The following SDHC variants were observed in gnomAD, a reference collection of about 807,000 sequenced individuals.
SDHC encodes succinate dehydrogenase cytochrome b560 subunit, mitochondrial.
Under a neutral mutation model 22.6 loss-of-function variants are expected in SDHC, and 11 were observed. That is an observed-to-expected ratio of 0.49 (90% CI 0.31 to 0.81). The LOEUF (loss-of-function observed/expected upper bound fraction) is 0.81, where lower values mean the gene tolerates loss of function less well. Among genes scored for constraint, SDHC ranks in the 30% least tolerant of loss-of-function variants. The pLI, the probability that SDHC is intolerant of heterozygous loss-of-function variation, is 0.05. For synonymous variants in SDHC, 80 were observed against 77.8 expected (o/e 1.03, Z -0.15); for missense variants, 160 against 212.0 (o/e 0.75, Z 1.52).
intron 3 of SDHC, among the ~76,000 whole-genome samples, chr1:161,338,796 T>C (rs933984682): frequency 6.6e-6 from 1 of 152,196 alleles, no homozygotes; most frequent in African/African-American, 2.4e-5. Flanking sequence ...CTTCCATCAG[T>C]GTTATACCTG....
At chr1:161,330,598 C>G (rs1276489626) in intron 3 of SDHC, among the ~76,000 whole-genome samples, 2 of 152,184 alleles carry the variant, frequency 1.3e-5, no homozygotes, top group South Asian at 2.1e-4. Flanking sequence ...TTTTTAACAG[C>G]CTCTTTTTTG....
chr1:161,348,402 G>A (rs983045211), intron 4 of SDHC, among the ~76,000 whole-genome samples: 258 of 151,532 alleles, frequency 1.7e-3, no homozygotes, highest in African/African-American at 6.0e-3. Context: ...CAAGTGATCC[G>A]CCTGCCTCTG....
rs115227464 is a variant in SDHC at position 161,331,164 on chromosome 1, C to A, written c.179+2667C>A. ...GATCTACTAGTAACATGCTTAATTTCAAAACGCCTTTTATGTGACTAAATA... is the reference window on the plus strand; with the variant it reads ...GATCTACTAGTAACATGCTTAATTTAAAAACGCCTTTTATGTGACTAAATA... On this transcript the variant is annotated intron_variant, in intron 3 of 5. Transcript: ENST00000367975. Among the ~76,000 whole-genome samples, 912 of 152,182 alleles carry A rather than the reference C, an allele frequency of 6.0e-3. 14 individuals carry two copies. The highest frequency in any genetic ancestry group is 0.021 in the African/African-American group (858 of 41,518).
intron 1 of SDHC, among the ~76,000 whole-genome samples, chr1:161,321,992 G>T (rs977319200): frequency 6.6e-6 from 1 of 152,122 alleles, no homozygotes; most frequent in African/African-American, 2.4e-5. Flanking sequence ...TATAATGGTC[G>T]TGTGTTTTTC....
intron 3 of SDHC, among the ~76,000 whole-genome samples, chr1:161,331,765 T>G (rs1671284946): frequency 6.6e-6 from 1 of 151,676 alleles, no homozygotes; most frequent in Admixed American, 6.6e-5. Context: ...CTGGCTAATT[T>G]TTTGTATTTT....
intron 4 of SDHC, among the ~76,000 whole-genome samples, chr1:161,354,367 G>A (rs1226551774): frequency 1.3e-5 from 2 of 152,180 alleles, no homozygotes; most frequent in African/African-American, 4.8e-5. Context: ...TGAGCTAGTA[G>A]TGGTTCACAT....
chr1:161,362,274 C>T (rs2102384475), intron 5 of SDHC, 55 bp from the exon 6 acceptor site: 1 of 1,571,422 alleles, frequency 6.4e-7, no homozygotes, highest in East Asian at 2.3e-5. Flanking sequence ...GAGACAGGAA[C>T]TGTTAATGTC....
At chr1:161,333,616 A>G (rs1558170355) in intron 3 of SDHC, among the ~76,000 whole-genome samples, 1 of 152,024 alleles carries the variant, frequency 6.6e-6, no homozygotes, top group Non-Finnish European at 1.5e-5. Flanking sequence ...GTCGGTCAGG[A>G]TGGTCTTGAT....
At chr1:161,330,074 A>C (rs1429159507) in intron 3 of SDHC, among the ~76,000 whole-genome samples, 2 of 152,170 alleles carry the variant, frequency 1.3e-5, no homozygotes, top group Admixed American at 1.3e-4. Flanking sequence ...GGATTAATAC[A>C]TTGACACCTC....
intron 5 of SDHC, among the ~76,000 whole-genome samples, chr1:161,360,451 G>C (rs55898518): frequency 0.12 from 17,752 of 151,782 alleles, 1,409 homozygotes; most frequent in African/African-American, 0.22. Flanking sequence ...AGCTACTTGG[G>C]AGGCTGAGGC....
chr1:161,338,916 T>G (rs11265591), intron 3 of SDHC, among the ~76,000 whole-genome samples: 11,885 of 152,150 alleles, frequency 0.078, 530 homozygotes, highest in South Asian at 0.17. Context: ...TGGCGTGATC[T>G]CCATTTACGC....
chr1:161,325,053 A>G (rs1317832762), intron 2 of SDHC, among the ~76,000 whole-genome samples: 1 of 150,234 alleles, frequency 6.7e-6, no homozygotes, highest in Non-Finnish European at 1.5e-5. Context: ...ATTAAAAAAT[A>G]AAAAATTAGC....
chr1:161,363,137 A>T lies in SDHC; in HGVS notation c.*704A>T, dbSNP rs1438794142. 1.3e-5 allele frequency: 3 copies of T among 234,644 alleles called. No homozygotes were observed. Among genetic ancestry groups the T allele is most frequent in the East Asian group, 6.0e-5 (1 of 16,748 alleles). 14.5% of individuals were successfully genotyped at this position (234,644 alleles called of 1,614,324 possible). On this transcript the variant is annotated 3_prime_UTR_variant, in exon 6 of 6. Transcript: ENST00000367975. ...AAGCCTCTTAATTTTATGCTTTCTC[A>T]TCGAAGTAATGTACCCTTTTTTTCT...
At chr1:161,338,485 C>G (rs994404098) in intron 3 of SDHC, among the ~76,000 whole-genome samples, 3 of 152,164 alleles carry the variant, frequency 2.0e-5, no homozygotes, top group African/African-American at 7.2e-5. Context: ...TTCCATTTTA[C>G]CCACCAGTTC....
intron 1 of SDHC, among the ~76,000 whole-genome samples, chr1:161,321,634 GC>G (rs1407945937): frequency 1.3e-5 from 2 of 152,194 alleles, no homozygotes; most frequent in Non-Finnish European, 2.9e-5. Flanking sequence ...TTCACCTCTT[GC>G]CTTCAAAGCT....
At chr1:161,333,957 T>G (rs1274825731) in intron 3 of SDHC, among the ~76,000 whole-genome samples, 1 of 152,214 alleles carries the variant, frequency 6.6e-6, no homozygotes, top group Non-Finnish European at 1.5e-5. Flanking sequence ...GCTGCACTCC[T>G]CTTCTAGTTA....
At chr1:161,318,918 C>T (rs1165455550) in intron 1 of SDHC, among the ~76,000 whole-genome samples, 1 of 152,152 alleles carries the variant, frequency 6.6e-6, no homozygotes, top group East Asian at 1.9e-4. Flanking sequence ...CCTGTGGGTG[C>T]TGGTAATCCC....
Position 161,323,697 on chromosome 1 carries a change from T to A in SDHC, c.77+27T>A, listed in dbSNP as rs201026331. 1.1e-4 allele frequency: 173 copies of A among 1,548,510 alleles called. 1 individual carries two copies. Among genetic ancestry groups the A allele is most frequent in the South Asian group, 9.6e-4 (82 of 85,338 alleles). On this transcript the variant is annotated intron_variant, in intron 2 of 5. Coordinates refer to ENST00000367975, the MANE Select transcript of SDHC (RefSeq NM_003001.5). Reference sequence around the variant, plus strand: ...TAAGTTTCTAAGTCTGGAGATTATTTATTTATTTTTTTTTTTGAGACGGAG... The same window carrying A: ...TAAGTTTCTAAGTCTGGAGATTATTAATTTATTTTTTTTTTTGAGACGGAG...
At chr1:161,337,821 GC>G (rs1226263524) in intron 3 of SDHC, among the ~76,000 whole-genome samples, 2 of 152,146 alleles carry the variant, frequency 1.3e-5, no homozygotes, top group Non-Finnish European at 2.9e-5. Context: ...TGGTCCCAGA[GC>G]CCCAAGTGTG....
Sources: allele counts gnomAD v4.1 joint callset (sites outside exome capture counted in the v4.1 genomes callset), GRCh38; gene constraint gnomAD v4.1.1; transcripts MANE v1.5; gene names NCBI Gene and HGNC (gene_info 2026-07-23, HGNC 2026-07-21).